The following HSD17B12 variants were observed in gnomAD, a reference collection of about 807,000 sequenced individuals.
HSD17B12 encodes hydroxysteroid 17-beta dehydrogenase 12.
Under a neutral mutation model 39.3 loss-of-function variants are expected in HSD17B12, and 32 were observed. The ratio of observed to expected loss-of-function variants is 0.81; its 90% CI spans 0.61 to 1.09. HSD17B12 has a LOEUF of 1.09. HSD17B12 is among the 50% of genes least tolerant of loss of function. The probability of loss-of-function intolerance (pLI) is 0.00; values close to 1 mark genes in which losing one functional copy is unlikely to be tolerated. For synonymous variants in HSD17B12, 150 were observed against 146.7 expected (o/e 1.02, Z -0.16); for missense variants, 342 against 382.9 (o/e 0.89, Z 0.89).
intron 3 of HSD17B12, among the ~76,000 whole-genome samples, chr11:43,759,563 A>G (rs1262954648): frequency 1.3e-5 from 2 of 152,202 alleles, no homozygotes; most frequent in African/African-American, 2.4e-5. Flanking sequence ...GAAAAAAACT[A>G]GAAATTTTTT....
At chr11:43,752,305 G>A (rs951046367) in intron 2 of HSD17B12, among the ~76,000 whole-genome samples, 1 of 152,114 alleles carries the variant, frequency 6.6e-6, no homozygotes, top group Admixed American at 6.5e-5. Context: ...GGAATATGTG[G>A]AATGACACTT....
chr11:43,618,490 C>T, the HSD17B12 span, among the ~76,000 whole-genome samples: 1 of 152,156 alleles, frequency 6.6e-6, no homozygotes, highest in Non-Finnish European at 1.5e-5. Flanking sequence ...TGACATTTCA[C>T]CAAACAAAGG....
chr11:43,679,109 G>C (rs554085980), upstream of HSD17B12, among the ~76,000 whole-genome samples: 51 of 152,152 alleles, frequency 3.4e-4, no homozygotes, highest in South Asian at 8.5e-3. Flanking sequence ...CTTTTATTTC[G>C]TTGAGCAGTG....
chr11:43,777,929 A>G lies in HSD17B12; in HGVS notation c.284-20391A>G, dbSNP rs537168975. On this transcript the variant is annotated intron_variant, in intron 3 of 10. Coordinates refer to ENST00000278353, the MANE Select transcript of HSD17B12 (RefSeq NM_016142.3). ...TGACATCACAATTAAAAGAACTAGAAAAGCAAGAGCAAACACATTCAAAAG... is the reference window on the plus strand; with the variant it reads ...TGACATCACAATTAAAAGAACTAGAGAAGCAAGAGCAAACACATTCAAAAG... Among the ~76,000 whole-genome samples the G allele has an allele frequency of 2.5e-3, 378 of 152,238 alleles. 2 individuals carry two copies. The highest frequency in any genetic ancestry group is 8.3e-3 in the African/African-American group (346 of 41,528).
chr11:43,731,932 A>G (rs1279329253), intron 1 of HSD17B12, among the ~76,000 whole-genome samples: 1 of 152,222 alleles, frequency 6.6e-6, no homozygotes, highest in African/African-American at 2.4e-5. Flanking sequence ...GATGAAGCAG[A>G]GCACACAAAA....
rs548652155 is a variant in HSD17B12, at chr11:43,776,333, A to T, written c.284-21987A>T. Among the ~76,000 whole-genome samples, 3 of 152,044 alleles carry T rather than the reference A, an allele frequency of 2.0e-5. No individual in the cohort carries two copies. In the South Asian group the frequency reaches 6.2e-4, roughly 32 times the overall value. On this transcript the variant is annotated intron_variant, in intron 3 of 10. Coordinates refer to ENST00000278353, the MANE Select transcript of HSD17B12 (RefSeq NM_016142.3). ...GAGATGGTATCTCATTGTGGTTTTGATTTACATTTCTCTGATGGCCAGTGA... is the reference window on the plus strand; with the variant it reads ...GAGATGGTATCTCATTGTGGTTTTGTTTTACATTTCTCTGATGGCCAGTGA...
the HSD17B12 span, among the ~76,000 whole-genome samples, chr11:43,577,331 G>T: frequency 9.2e-5 from 14 of 152,260 alleles, no homozygotes; most frequent in African/African-American, 3.4e-4. Context: ...TGAGAGCTTT[G>T]GGGGGAAGGA....
At chr11:43,759,731 C>G (rs1448833538) in intron 3 of HSD17B12, among the ~76,000 whole-genome samples, 1 of 151,178 alleles carries the variant, frequency 6.6e-6, no homozygotes, top group Non-Finnish European at 1.5e-5. Flanking sequence ...CATTTCTTTT[C>G]TTTTTTTCTT....
the HSD17B12 span, among the ~76,000 whole-genome samples, chr11:43,590,886 C>G: frequency 1.3e-5 from 2 of 148,624 alleles, no homozygotes; most frequent in African/African-American, 2.5e-5. Context: ...AGAAAACATG[C>G]TTGCTACAGG....
chr11:43,564,663 C>T, the HSD17B12 span, among the ~76,000 whole-genome samples: 1 of 152,158 alleles, frequency 6.6e-6, no homozygotes, highest in African/African-American at 2.4e-5. Context: ...GCATGGGCCC[C>T]AGATCTTTTC....
At chr11:43,674,398 G>A in the HSD17B12 span, among the ~76,000 whole-genome samples, 9 of 152,148 alleles carry the variant, frequency 5.9e-5, no homozygotes, top group African/African-American at 2.4e-5. Context: ...TTCACTTTGT[G>A]GAAGTCGCCA....
chr11:43,685,492 G>A (rs995351284), intron 1 of HSD17B12, among the ~76,000 whole-genome samples: 14 of 152,330 alleles, frequency 9.2e-5, no homozygotes, highest in African/African-American at 3.4e-4. Context: ...TGACAACCCA[G>A]AAGAAATATT....
chr11:43,716,866 G>T (rs1022976048), intron 1 of HSD17B12, among the ~76,000 whole-genome samples: 10 of 151,602 alleles, frequency 6.6e-5, no homozygotes, highest in Non-Finnish European at 1.3e-4. Flanking sequence ...CAGGGGAAAG[G>T]TGCCCCAGAA....
chr11:43,563,729 G>A, the HSD17B12 span, among the ~76,000 whole-genome samples: 14 of 152,128 alleles, frequency 9.2e-5, no homozygotes, highest in Admixed American at 8.5e-4. Context: ...GAGGCAGGAG[G>A]ATGGCTTGAG....
At chr11:43,680,566 A>T, upstream of HSD17B12, 1 of 496,358 alleles carries the variant, frequency 2.0e-6, no homozygotes, top group Non-Finnish European at 3.6e-6. Flanking sequence ...TCACTGGCGG[A>T]ACCCCGGGGG....
At chr11:43,668,471 T>A in the HSD17B12 span, among the ~76,000 whole-genome samples, 1 of 152,182 alleles carries the variant, frequency 6.6e-6, no homozygotes, top group Non-Finnish European at 1.5e-5. Context: ...CACATCCTTA[T>A]AATATGGTCC....
chr11:43,676,614 T>C (rs1367898930), upstream of HSD17B12, among the ~76,000 whole-genome samples: 2 of 152,202 alleles, frequency 1.3e-5, no homozygotes, highest in African/African-American at 4.8e-5. Flanking sequence ...ATTTTATACC[T>C]AGTACCTAGC....
the HSD17B12 span, among the ~76,000 whole-genome samples, chr11:43,671,378 G>T: frequency 6.6e-6 from 1 of 152,140 alleles, no homozygotes; most frequent in Non-Finnish European, 1.5e-5. Flanking sequence ...ACGGGGTTTC[G>T]CCATGTTGGC....
chr11:43,688,176 C>T (rs558133694), intron 1 of HSD17B12, among the ~76,000 whole-genome samples: 4 of 151,544 alleles, frequency 2.6e-5, no homozygotes, highest in Admixed American at 6.6e-5. Context: ...TGCACCACTG[C>T]GCTCCAGAGT....
Sources: allele counts gnomAD v4.1 joint callset (sites outside exome capture counted in the v4.1 genomes callset), GRCh38; gene constraint gnomAD v4.1.1; transcripts MANE v1.5; gene names NCBI Gene and HGNC (gene_info 2026-07-23, HGNC 2026-07-21).